The following NIPBL variants were observed in gnomAD, a reference collection of about 807,000 sequenced individuals.
The protein encoded by NIPBL is NIPBL cohesin loading factor.
A neutral mutation model predicts 321.8 loss-of-function variants in NIPBL; 19 were observed. That is an observed-to-expected ratio of 0.06 (90% confidence interval 0.04 to 0.09). The LOEUF (loss-of-function observed/expected upper bound fraction) is 0.09. Among genes scored for constraint, NIPBL ranks in the 10% least tolerant of loss-of-function variants. The pLI is 1.00. For missense variants in NIPBL, 2,210 were observed against 3,327.0 expected (o/e 0.66, Z 8.26); for synonymous variants, 1,106 against 1,114.1 (o/e 0.99, Z 0.14).
chr5:37,008,071 A>G lies in NIPBL; in HGVS notation c.4303A>G (p.Ile1435Val). 1 of 1,606,602 alleles carries G rather than the reference A, an allele frequency of 6.2e-7. No individual in the cohort carries two copies. Among genetic ancestry groups the G allele is most frequent in the Non-Finnish European group, 8.5e-7 (1 of 1,173,472 alleles). ...ENVSELQLCA[I>V]KLVTAVFSRY... The stretch of plus-strand genomic sequence containing the variant: ...TGTCAGTGAACTACAGTTGTGTGCC[A>G]TTAAGTTAGTCACTGCAGTAAGTAT... The change falls in exon 19 of 47, where the codon ATT becomes GTT. Residue 1435 changes from isoleucine to valine, a missense_variant. Physicochemically the swap from Ile to Val is conservative, Grantham distance 29. Around this residue, in one of 14 missense-constraint regions of NIPBL, gnomAD observed 381 missense variants for 642.3 expected, o/e 0.59. Transcript: ENST00000282516.
chr5:36,931,655 C>G (rs1749784617), intron 1 of NIPBL, among the ~76,000 whole-genome samples: 1 of 152,066 alleles, frequency 6.6e-6, no homozygotes, highest in African/African-American at 2.4e-5. Flanking sequence ...GTGATTTCCT[C>G]TCCTTCATTT....
rs186062942 is a variant in NIPBL at position 37,019,215 on chromosome 5, A to T, written c.4921-96A>T. On this transcript the variant is annotated intron_variant, in intron 24 of 46. Transcript: ENST00000282516. The stretch of plus-strand genomic sequence containing the variant: ...TACTGTGGTTGTATTTTCATTTTTA[A>T]TATCAGTTTTTCCTTCAGATTTGTG... The T allele has an allele frequency of 9.8e-4, 788 of 806,258 alleles. 3 individuals carry two copies. Among genetic ancestry groups the T allele is most frequent in the African/African-American group, 9.0e-3 (524 of 58,462 alleles). 49.9% of individuals were successfully genotyped at this position (806,258 alleles called of 1,614,324 possible).
intron 1 of NIPBL, among the ~76,000 whole-genome samples, chr5:36,894,081 G>A (rs1746546138): frequency 6.6e-6 from 1 of 152,134 alleles, no homozygotes; most frequent in Non-Finnish European, 1.5e-5. Flanking sequence ...TAAGTCCTCA[G>A]CAAATACTTC....
At chr5:36,914,442 G>A (rs1561379604) in intron 1 of NIPBL, among the ~76,000 whole-genome samples, 2 of 148,616 alleles carry the variant, frequency 1.3e-5, no homozygotes, top group Non-Finnish European at 3.0e-5. Flanking sequence ...AACTTTTTGA[G>A]TGCCTACGTG....
chr5:37,013,387 C>T (rs1230116239), intron 21 of NIPBL, among the ~76,000 whole-genome samples: 5 of 151,900 alleles, frequency 3.3e-5, no homozygotes, highest in African/African-American at 7.3e-5. Context: ...GGCTGCTGGG[C>T]GGAGACGCTC....
At chr5:36,945,596 G>A (rs746572488) in intron 1 of NIPBL, among the ~76,000 whole-genome samples, 23 of 152,150 alleles carry the variant, frequency 1.5e-4, no homozygotes, top group Non-Finnish European at 2.9e-4. Context: ...GCTGCAGAGA[G>A]CTCAGGGTTC....
intron 45 of NIPBL, 64 bp downstream of exon 45, chr5:37,061,082 G>T: frequency 8.2e-7 from 1 of 1,212,698 alleles, no homozygotes; most frequent in East Asian, 2.3e-5. Context: ...AAATGTGGGG[G>T]GCCGGTGGGG....
intron 1 of NIPBL, among the ~76,000 whole-genome samples, chr5:36,949,221 T>A (rs1740010534): frequency 6.6e-6 from 1 of 151,900 alleles, no homozygotes; most frequent in African/African-American, 2.4e-5. Context: ...GTGGGGGAGC[T>A]TGGATTCAAA....
chr5:36,881,714 G>A (rs1745518504), intron 1 of NIPBL, among the ~76,000 whole-genome samples: 2 of 151,908 alleles, frequency 1.3e-5, no homozygotes, highest in South Asian at 4.1e-4. Flanking sequence ...TACTTGCCCA[G>A]TCACTTAGTC....
intron 30 of NIPBL, among the ~76,000 whole-genome samples, chr5:37,025,807 A>C (rs1385578179): frequency 6.7e-6 from 1 of 150,126 alleles, no homozygotes; most frequent in East Asian, 1.9e-4. Flanking sequence ...ATGTATCCAT[A>C]AAAAAAAAAT....
intron 10 of NIPBL, among the ~76,000 whole-genome samples, chr5:36,987,958 A>G (rs1361253515): frequency 1.3e-5 from 2 of 152,162 alleles, no homozygotes; most frequent in Non-Finnish European, 2.9e-5. Context: ...TTTATAAACT[A>G]AAGAGTATGG....
intron 1 of NIPBL, among the ~76,000 whole-genome samples, chr5:36,918,596 T>C (rs1748669075): frequency 6.6e-6 from 1 of 152,200 alleles, no homozygotes; most frequent in African/African-American, 2.4e-5. Context: ...CGTCCCTGTC[T>C]TGTGCCAGTT....
intron 27 of NIPBL, 50 bp downstream of exon 27, chr5:37,020,927 T>C: frequency 8.4e-7 from 1 of 1,189,090 alleles, no homozygotes; most frequent in Non-Finnish European, 1.3e-6. Flanking sequence ...TTTCTGATTC[T>C]GGATGCTTGT....
chr5:37,001,329 G>A (rs1164058039), intron 14 of NIPBL, among the ~76,000 whole-genome samples: 1 of 152,070 alleles, frequency 6.6e-6, no homozygotes, highest in Non-Finnish European at 1.5e-5. Context: ...AGGATACAGA[G>A]GCATACTCTG....
chr5:36,997,875 T>TGA (rs143902224), intron 11 of NIPBL, among the ~76,000 whole-genome samples: 4,686 of 152,216 alleles, frequency 0.031, 101 homozygotes, highest in Non-Finnish European at 0.049. Context: ...ATTATGCTGC[T>TGA]GAGAGAGAGA....
intron 10 of NIPBL, among the ~76,000 whole-genome samples, chr5:36,992,631 C>T (rs948505008): frequency 2.0e-5 from 3 of 152,072 alleles, no homozygotes; most frequent in African/African-American, 7.2e-5. Flanking sequence ...CCTCCCATCT[C>T]AGCCTCCAAA....
At chr5:37,006,699 C>T in intron 17 of NIPBL, 111 bp downstream of exon 17, 1 of 660,886 alleles carries the variant, frequency 1.5e-6, no homozygotes. Flanking sequence ...GTAATAAACA[C>T]TGATTTTGAT....
chr5:36,943,126 T>A (rs1739296340), intron 1 of NIPBL, among the ~76,000 whole-genome samples: 1 of 152,202 alleles, frequency 6.6e-6, no homozygotes, highest in Non-Finnish European at 1.5e-5. Context: ...AATCCATGGA[T>A]GTGGAACCTG....
At chr5:37,026,429 T>A in intron 31 of NIPBL, 102 bp downstream of exon 31, 1 of 743,928 alleles carries the variant, frequency 1.3e-6, no homozygotes, top group Non-Finnish European at 2.4e-6. Context: ...ATTTCATTAA[T>A]CTTGACATTT....
Sources: gnomAD v4.1 joint callset for allele counts (sites outside exome capture counted in the v4.1 genomes callset) on GRCh38, gnomAD v4.1.1 for gene constraint, gnomAD v4.1.1 regional missense constraint, MANE v1.5 for transcripts, NCBI Gene and HGNC (gene_info 2026-07-23, HGNC 2026-07-21) for gene names.